RGS7: variants seen among roughly 807,000 people sequenced by gnomAD.
RGS7 encodes regulator of G-protein signaling 7.
RGS7 carries 27 observed loss-of-function variants against 81.1 expected under a neutral mutation model. The ratio of observed to expected loss-of-function variants is 0.33; its 90% CI spans 0.25 to 0.46. The LOEUF is 0.46. RGS7 is among the 20% of genes least tolerant of loss of function. The pLI is 1.00. For synonymous variants in RGS7, 208 were observed against 207.7 expected (o/e 1.00, Z -0.01); for missense variants, 396 against 607.4 (o/e 0.65, Z 3.66).
At chr1:241,041,136 A>C (rs1009435331) in intron 3 of RGS7, among the ~76,000 whole-genome samples, 2 of 152,194 alleles carry the variant, frequency 1.3e-5, no homozygotes, top group African/African-American at 4.8e-5. Flanking sequence ...TTGAAAATGA[A>C]CTGAAAAAAG....
At chr1:240,954,919 T>C in intron 4 of RGS7, among the ~76,000 whole-genome samples, 1 of 152,168 alleles carries the variant, frequency 6.6e-6, no homozygotes, top group East Asian at 1.9e-4. Flanking sequence ...ACAAGCTCCA[T>C]AAATAAAAGT....
intron 3 of RGS7, among the ~76,000 whole-genome samples, chr1:241,013,621 C>T (rs777577952): frequency 1.3e-5 from 2 of 152,088 alleles, no homozygotes; most frequent in Non-Finnish European, 2.9e-5. Flanking sequence ...CTGAAAGGGC[C>T]CCTCCTCCAT....
At chr1:241,128,976 T>C (rs2066892191) in intron 2 of RGS7, among the ~76,000 whole-genome samples, 1 of 152,148 alleles carries the variant, frequency 6.6e-6, no homozygotes, top group South Asian at 2.1e-4. Context: ...TGATATCCCT[T>C]CTTCAAAATG....
At chr1:241,039,310 G>A (rs745919523) in intron 3 of RGS7, among the ~76,000 whole-genome samples, 7 of 152,204 alleles carry the variant, frequency 4.6e-5, no homozygotes, top group Non-Finnish European at 1.0e-4. Context: ...GTTGTGAGGA[G>A]AGGGTAACTA....
At position 241,288,361 on chromosome 1, in the gene RGS7, G is replaced by A. The variant is rs186742892; in HGVS notation, c.78+67338C>T. Among the ~76,000 whole-genome samples, 338 of 152,242 alleles carry A rather than the reference G, an allele frequency of 2.2e-3. 1 individual carries two copies. Among genetic ancestry groups the A allele is most frequent in the African/African-American group, 7.6e-3 (314 of 41,550 alleles). On this transcript the variant is annotated intron_variant, in intron 2 of 18. Transcript: ENST00000440928. Reference sequence around the variant, plus strand: ...AGCTCTGTGCTACTCCAGAGCTTCCGTTCTTTCTCACATATCTAGTTCAGG... The same window carrying A: ...AGCTCTGTGCTACTCCAGAGCTTCCATTCTTTCTCACATATCTAGTTCAGG...
In RGS7 at chr1:240,920,435, T is replaced by G. The variant is rs1367036297; in HGVS notation, c.385+10282A>C. On this transcript the variant is annotated intron_variant, in intron 6 of 18. Transcript: ENST00000440928. ...TTGGAGGTGGTGGAAGCTACAATGATTTTGGCAATTACAACAATCAATCTT... is the reference window on the plus strand; with the variant it reads ...TTGGAGGTGGTGGAAGCTACAATGAGTTTGGCAATTACAACAATCAATCTT... 2.5e-6 allele frequency: 3 copies of G among 1,217,614 alleles called. No homozygotes were observed. The East Asian group carries it at 7.0e-5, about 28-fold the overall frequency. The allele number at this position is 1,217,614 out of a possible 1,614,324, so 75.4% of individuals were successfully genotyped here. A position where few individuals can be genotyped will look rare whatever the true frequency, so the allele number is the denominator to read the frequency against.
At chr1:241,105,280 G>A (rs1490193651) in intron 2 of RGS7, among the ~76,000 whole-genome samples, 1 of 152,136 alleles carries the variant, frequency 6.6e-6, no homozygotes, top group Admixed American at 6.5e-5. Context: ...CTTCTTGCTT[G>A]TAGATGTGAC....
At chr1:241,031,062 A>G (rs543573562) in intron 3 of RGS7, among the ~76,000 whole-genome samples, 24 of 152,360 alleles carry the variant, frequency 1.6e-4, no homozygotes, top group African/African-American at 5.0e-4. Flanking sequence ...TAGTAGAACC[A>G]TCACTCAAAT....
chr1:240,897,962 C>G (rs1185334956), intron 6 of RGS7, among the ~76,000 whole-genome samples: 2 of 152,082 alleles, frequency 1.3e-5, no homozygotes, highest in Non-Finnish European at 2.9e-5. Flanking sequence ...ATTTCAAAGC[C>G]TGTTATTGGT....
intron 10 of RGS7, 50 bp from the exon 11 acceptor site, chr1:240,816,465 T>A: frequency 1.7e-6 from 2 of 1,181,090 alleles, no homozygotes; most frequent in Non-Finnish European, 2.5e-6. Context: ...CCGTTTACAG[T>A]CACAGACTTT....
chr1:241,023,711 T>C (rs541869239), intron 3 of RGS7, among the ~76,000 whole-genome samples: 32 of 152,330 alleles, frequency 2.1e-4, no homozygotes, highest in African/African-American at 7.7e-4. Flanking sequence ...TCGAGTGCCA[T>C]TTTTGTTTTT....
At chr1:240,780,439 C>CA (rs34568911) in intron 18 of RGS7, among the ~76,000 whole-genome samples, 983 of 40,050 alleles carry the variant, frequency 0.025, 75 homozygotes, top group Non-Finnish European at 0.036. Flanking sequence ...GACTCTGTCT[C>CA]AAAAAAAAAA....
At chr1:241,022,719 T>C (rs1382973204) in intron 3 of RGS7, among the ~76,000 whole-genome samples, 2 of 152,176 alleles carry the variant, frequency 1.3e-5, no homozygotes, top group African/African-American at 4.8e-5. Flanking sequence ...TTGATTAGAA[T>C]ATTAACTCCA....
intron 2 of RGS7, among the ~76,000 whole-genome samples, chr1:241,286,163 T>C (rs1453681026): frequency 6.6e-6 from 1 of 152,164 alleles, no homozygotes; most frequent in Non-Finnish European, 1.5e-5. Context: ...CCTCCATCAC[T>C]TTCAATAAGA....
chr1:241,296,749 G>A (rs2079448660), intron 2 of RGS7, among the ~76,000 whole-genome samples: 1 of 152,198 alleles, frequency 6.6e-6, no homozygotes, highest in Non-Finnish European at 1.5e-5. Flanking sequence ...ACTGCTGTGT[G>A]GGACTCAGTC....
chr1:241,190,074 G>T (rs1234602019), intron 2 of RGS7, among the ~76,000 whole-genome samples: 1 of 151,940 alleles, frequency 6.6e-6, no homozygotes, highest in Non-Finnish European at 1.5e-5. Context: ...CTGCACTCCA[G>T]CCTGGGCGAC....
chr1:240,864,423 G>T (rs1009748609), intron 9 of RGS7, among the ~76,000 whole-genome samples: 3 of 152,120 alleles, frequency 2.0e-5, no homozygotes, highest in African/African-American at 7.2e-5. Context: ...AAAAATGTTG[G>T]GGATAAAAGT....
intron 6 of RGS7, among the ~76,000 whole-genome samples, chr1:240,883,968 C>T (rs191376892): frequency 6.7e-6 from 1 of 150,002 alleles, no homozygotes; most frequent in East Asian, 2.0e-4. Context: ...CCCAGCTACT[C>T]GGGAGGCTGA....
chr1:241,334,151 C>G (rs1162268435), intron 2 of RGS7, among the ~76,000 whole-genome samples: 2 of 151,962 alleles, frequency 1.3e-5, no homozygotes, highest in Non-Finnish European at 2.9e-5. Context: ...AAAACTCTAC[C>G]TAGGATAAAC....
Sources: gnomAD v4.1 joint callset for allele counts (sites outside exome capture counted in the v4.1 genomes callset) on GRCh38, gnomAD v4.1.1 for gene constraint, MANE v1.5 for transcripts, NCBI Gene and HGNC (gene_info 2026-07-23, HGNC 2026-07-21) for gene names.